LARGE1: variants seen among roughly 807,000 people sequenced by gnomAD.
The protein encoded by LARGE1 is xylosyl- and glucuronyltransferase LARGE1.
LARGE1 carries 43 observed loss-of-function variants against 87.6 expected under a neutral mutation model. The observed-to-expected ratio is 0.49, with a 90% CI of 0.38 to 0.63. The LOEUF (loss-of-function observed/expected upper bound fraction) is 0.63. Ranked by LOEUF, LARGE1 falls within the 30% of genes least tolerant of loss-of-function variation. The pLI, the probability that LARGE1 is intolerant of heterozygous loss-of-function variation, is 0.00. For missense variants in LARGE1, 802 were observed against 1,000.2 expected (o/e 0.80, Z 2.67); for synonymous variants, 434 against 394.6 (o/e 1.10, Z -1.18).
rs560016333 is a variant in LARGE1, at chr22:33,719,989, G to T, written c.106+41382C>A. ...CCAGCCTTTTTGGTACCAGGTACCG[G>T]TTTTGTGGAAGACCATTTCTCCGCA... On this transcript the variant is annotated intron_variant, in intron 2 of 14. Transcript: ENST00000397394. Among the ~76,000 whole-genome samples the T allele has an allele frequency of 2.0e-5, 3 of 152,266 alleles. No individual in the cohort carries two copies. In the East Asian group the frequency reaches 5.8e-4, roughly 29 times the overall value.
the LARGE1 span, among the ~76,000 whole-genome samples, chr22:33,128,790 T>C: frequency 2.0e-5 from 3 of 152,154 alleles, no homozygotes; most frequent in African/African-American, 7.2e-5. Flanking sequence ...ATCATGTGCT[T>C]TGCAGGGACA....
intron 11 of LARGE1, among the ~76,000 whole-genome samples, chr22:33,175,493 C>T (rs1182464353): frequency 6.6e-6 from 1 of 152,116 alleles, no homozygotes; most frequent in Non-Finnish European, 1.5e-5. Context: ...AAATCACAAG[C>T]ATTCCTATAC....
intron 12 of LARGE1, among the ~76,000 whole-genome samples, chr22:33,303,906 A>G (rs1934510377): frequency 1.3e-5 from 2 of 152,064 alleles, no homozygotes; most frequent in African/African-American, 4.8e-5. Flanking sequence ...TACAGGCGAG[A>G]GCCATCGCGT....
At chr22:33,097,138 C>G in the LARGE1 span, among the ~76,000 whole-genome samples, 1 of 152,166 alleles carries the variant, frequency 6.6e-6, no homozygotes, top group Non-Finnish European at 1.5e-5. Context: ...TCCTGAGACA[C>G]CAGATGGATG....
At chr22:33,072,793 A>C in the LARGE1 span, among the ~76,000 whole-genome samples, 1 of 151,938 alleles carries the variant, frequency 6.6e-6, no homozygotes, top group Non-Finnish European at 1.5e-5. Flanking sequence ...AGTGTCACCC[A>C]CCCCAGACCA....
At chr22:33,416,736 T>A (rs1212661590) in intron 7 of LARGE1, among the ~76,000 whole-genome samples, 5 of 152,028 alleles carry the variant, frequency 3.3e-5, no homozygotes, top group Admixed American at 6.6e-5. Flanking sequence ...CTAGAGTAGC[T>A]GGGATTACAG....
chr22:33,087,604 T>C, the LARGE1 span, among the ~76,000 whole-genome samples: 1 of 152,230 alleles, frequency 6.6e-6, no homozygotes, highest in Admixed American at 6.5e-5. Context: ...AAGTATTTTA[T>C]ATTGTTTCCA....
At position 33,198,527 on chromosome 22, in the gene LARGE1, G is replaced by C. The variant is rs190886155; in HGVS notation, c.1731-31695C>G. On this transcript the variant is annotated intron_variant, in intron 11 of 11. Transcript: ENST00000608642. ...TGTTAGTGATTCACCAGAATTCTTA[G>C]AATTTTTAGAATATTCACCAGAATA... is the stretch of plus-strand genomic sequence containing the variant. Among the ~76,000 whole-genome samples the C allele has an allele frequency of 9.2e-5, 14 of 151,910 alleles. No homozygotes were observed. In the East Asian group the frequency reaches 1.7e-3, roughly 19 times the overall value.
intron 5 of LARGE1, among the ~76,000 whole-genome samples, chr22:33,589,223 C>G (rs2078765630): frequency 6.6e-6 from 1 of 152,196 alleles, no homozygotes; most frequent in African/African-American, 2.4e-5. Context: ...TGCCTCTACT[C>G]TCAGGTTCCT....
At chr22:33,433,666 T>C (rs1601821252) in intron 6 of LARGE1, among the ~76,000 whole-genome samples, 2 of 147,700 alleles carry the variant, frequency 1.4e-5, no homozygotes, top group African/African-American at 5.0e-5. Flanking sequence ...TTTAAATAAC[T>C]TGGAAAAGTC....
At chr22:33,612,357 C>T (rs2079459806) in intron 4 of LARGE1, among the ~76,000 whole-genome samples, 1 of 152,180 alleles carries the variant, frequency 6.6e-6, no homozygotes, top group Admixed American at 6.5e-5. Flanking sequence ...CTGCCTTGGC[C>T]TCCCAAAGTG....
chr22:33,236,015 G>T (rs111301639), intron 11 of LARGE1, among the ~76,000 whole-genome samples: 1 of 152,202 alleles, frequency 6.6e-6, no homozygotes, highest in African/African-American at 2.4e-5. Flanking sequence ...AGGGAAGAAA[G>T]CCATGTGATG....
At chr22:33,662,483 G>A (rs73400759) in intron 2 of LARGE1, among the ~76,000 whole-genome samples, 2,714 of 152,054 alleles carry the variant, frequency 0.018, 85 homozygotes, top group African/African-American at 0.062. Flanking sequence ...CCCACCCCTT[G>A]CCTAGCCTTC....
At chr22:33,753,530 T>C (rs1040014362) in intron 2 of LARGE1, among the ~76,000 whole-genome samples, 1 of 152,110 alleles carries the variant, frequency 6.6e-6, no homozygotes, top group Non-Finnish European at 1.5e-5. Context: ...TGTAAGATAA[T>C]AAATGTATGG....
At chr22:33,329,641 T>C (rs750014026) in intron 10 of LARGE1, among the ~76,000 whole-genome samples, 1 of 152,116 alleles carries the variant, frequency 6.6e-6, no homozygotes, top group Non-Finnish European at 1.5e-5. Flanking sequence ...CCTCCAGCCT[T>C]TTCAATGTAA....
At chr22:33,565,812 G>A (rs2078008303) in intron 5 of LARGE1, among the ~76,000 whole-genome samples, 1 of 152,316 alleles carries the variant, frequency 6.6e-6, no homozygotes, top group African/African-American at 2.4e-5. Context: ...GCTTGCAGGT[G>A]GGCAGAGTCA....
At chr22:33,857,601 A>T (rs573674540) in intron 1 of LARGE1, among the ~76,000 whole-genome samples, 9 of 152,376 alleles carry the variant, frequency 5.9e-5, no homozygotes, top group African/African-American at 2.2e-4. Context: ...GAAAATGATA[A>T]TCGAGTGCAT....
the LARGE1 span, among the ~76,000 whole-genome samples, chr22:33,136,400 G>A: frequency 5.2e-4 from 79 of 152,212 alleles, no homozygotes; most frequent in African/African-American, 1.9e-3. Context: ...CAGATCTTGT[G>A]AGACTTATTC....
chr22:33,492,467 C>T (rs73166298), intron 6 of LARGE1, among the ~76,000 whole-genome samples: 358 of 152,320 alleles, frequency 2.4e-3, no homozygotes, highest in Non-Finnish European at 4.0e-3. Context: ...TCCCCTCAAA[C>T]CCTTTGAAAT....
Sources: allele counts gnomAD v4.1 joint callset (sites outside exome capture counted in the v4.1 genomes callset), GRCh38; gene constraint gnomAD v4.1.1; transcripts MANE v1.5; gene names NCBI Gene and HGNC (gene_info 2026-07-23, HGNC 2026-07-21).